Variants in POLD2 observed in about 807,000 individuals in gnomAD.
POLD2 encodes DNA polymerase delta 2, accessory subunit, also known as DNA polymerase delta subunit 2.
POLD2 carries 31 observed loss-of-function variants against 48.8 expected under a neutral mutation model. That is an observed-to-expected ratio of 0.64 (90% CI 0.48 to 0.86). The LOEUF (loss-of-function observed/expected upper bound fraction) is 0.86, where lower values mean the gene tolerates loss of function less well. Among genes scored for constraint, POLD2 ranks in the 40% least tolerant of loss-of-function variants. POLD2 has a pLI of 0.00. For synonymous variants in POLD2, 233 were observed against 256.3 expected (o/e 0.91, Z 0.87); for missense variants, 455 against 610.1 (o/e 0.75, Z 2.68).
intron 2 of POLD2, among the ~76,000 whole-genome samples, chr7:44,119,565 G>A (rs577234032): frequency 5.6e-4 from 86 of 152,312 alleles, no homozygotes; most frequent in African/African-American, 2.0e-3. Context: ...CTCAGCCAAC[G>A]CTGAAAATGT....
In POLD2 at chr7:44,120,097, G is replaced by A. The variant is rs3217953; in HGVS notation, c.220+1737C>T. Among the ~76,000 whole-genome samples, 1,431 of 152,282 alleles carry A rather than the reference G, an allele frequency of 9.4e-3. 16 individuals carry two copies. The highest frequency in any genetic ancestry group is 0.043 in the South Asian group (206 of 4,828). On this transcript the variant is annotated intron_variant, in intron 2 of 10. Coordinates refer to ENST00000610533, the MANE Select transcript of POLD2 (RefSeq NM_006230.4). ...GCTGAGCTTCAGTGAGGATGCACAG[G>A]CCACATGGAGAAGCCACATGTAGGT...
In POLD2 at chr7:44,121,891, C is replaced by T. The variant is rs75489188; in HGVS notation, c.163G>A (p.Ala55Thr). The T allele has an allele frequency of 6.2e-7, 1 of 1,613,262 alleles. No homozygotes were observed. The highest frequency in any genetic ancestry group is 1.3e-5 in the African/African-American group (1 of 74,904). The change falls in exon 2 of 11, where the codon GCC becomes ACC. Residue 55 changes from alanine (A) to threonine (T), a missense_variant. Around this residue, in one of 3 missense-constraint regions of POLD2, gnomAD observed 349 missense variants for 437.4 expected, o/e 0.80. Coordinates refer to ENST00000610533, the MANE Select transcript of POLD2 (RefSeq NM_006230.4). This position sits in a 1 kb window ranked among gnomAD's most constrained non-coding sequence, Gnocchi z 4.5. Reference protein sequence around the residue: ...SFSRQYAHIYATRLIQMRPFL... With the variant: ...SFSRQYAHIYTTRLIQMRPFL... ...GGTCTCATTTGGATGAGGCGGGTGG[C>T]ATAAATGTGGGCATACTGCCGGCTA...
Position 44,116,488 on chromosome 7 carries a change from G to T in POLD2, c.803C>A (p.Thr268Asn). 6.3e-7 allele frequency: 1 copy of T among 1,581,540 alleles called. No individual in the cohort carries two copies. The highest frequency in any genetic ancestry group is 8.6e-7 in the Non-Finnish European group (1 of 1,162,996). Residue 268 changes from threonine (T) to asparagine (N), a missense_variant, in exon 7 of 11, where the codon ACC becomes AAC. By Grantham distance (65) the Thr-to-Asn change is moderately conservative. Transcript: ENST00000610533. This position sits in a 1 kb window ranked among gnomAD's most constrained non-coding sequence, Gnocchi z 6.1. ...INKAKYLTKK[T>N]QAASVEAVKM... ...AACAGCCTCCACGCTGGCTGCCTGG[G>T]TTTTCTTGGTGAGGTATTTGGCCTG...
chr7:44,115,810 G>T lies in POLD2; in HGVS notation c.1103C>A (p.Thr368Asn). 1 of 1,614,088 alleles carries T rather than the reference G, an allele frequency of 6.2e-7. No homozygotes were observed. Among genetic ancestry groups the T allele is most frequent in the African/African-American group, 1.3e-5 (1 of 75,050 alleles). ...GGGGCTGATGTGACGGACCCGCAGG[G>T]TCCACTCCAGGATCTCCAAGTGATC... ...MEDHLEILEWTLRVRHISPTA... is the reference protein window; with the variant it reads ...MEDHLEILEWNLRVRHISPTA... Residue 368 changes from threonine to asparagine, a missense_variant, in exon 9 of 11, where the codon ACC becomes AAC. By Grantham distance (65) the Thr-to-Asn change is moderately conservative. Transcript: ENST00000610533.
intron 8 of POLD2, 52 bp from the exon 9 acceptor site, chr7:44,115,945 T>C: frequency 6.2e-7 from 1 of 1,613,522 alleles, no homozygotes; most frequent in Non-Finnish European, 8.5e-7. Context: ...CCCATAGTGG[T>C]CAGCCCAGAG....
At position 44,115,822 on chromosome 7, in the gene POLD2, A is replaced by T. The variant is rs774097983; in HGVS notation, c.1091T>A (p.Ile364Asn). The T allele has an allele frequency of 8.7e-6, 14 of 1,613,938 alleles. No homozygotes were observed. The highest frequency in any genetic ancestry group is 1.2e-5 in the Non-Finnish European group (14 of 1,180,002). Residue 364 changes from isoleucine (I) to asparagine (N), a missense_variant, in exon 9 of 11, where the codon ATC (isoleucine) becomes AAC (asparagine). Ile to Asn is a moderately radical substitution (Grantham distance 149). Coordinates refer to ENST00000610533, the MANE Select transcript of POLD2 (RefSeq NM_006230.4). The part of the protein sequence containing the change: ...RYSSMEDHLE[I>N]LEWTLRVRHI... Reference sequence around the variant, plus strand: ...ACGGACCCGCAGGGTCCACTCCAGGATCTCCAAGTGATCCTCCATGCTGCT... The same window carrying T: ...ACGGACCCGCAGGGTCCACTCCAGGTTCTCCAAGTGATCCTCCATGCTGCT...
At chr7:44,117,072 G>A in intron 5 of POLD2, 57 bp from the exon 6 acceptor site, 1 of 1,609,062 alleles carries the variant, frequency 6.2e-7, no homozygotes, top group Non-Finnish European at 8.5e-7. Flanking sequence ...CCCCTCCTAG[G>A]TGCAACTCAA....
intron 4 of POLD2, 65 bp from the exon 5 acceptor site, chr7:44,117,312 C>A: frequency 8.2e-7 from 1 of 1,216,160 alleles, no homozygotes; most frequent in Non-Finnish European, 1.2e-6. Context: ...TCCAGTCACC[C>A]CAACGGGCAA....
intron 2 of POLD2, among the ~76,000 whole-genome samples, chr7:44,119,386 G>A (rs2096245245): frequency 6.6e-6 from 1 of 152,086 alleles, no homozygotes; most frequent in Non-Finnish European, 1.5e-5. Flanking sequence ...TGCTGCCTGG[G>A]AAGAACCAGG....
upstream of POLD2, chr7:44,123,594 G>A: frequency 6.9e-7 from 1 of 1,443,726 alleles, no homozygotes. Flanking sequence ...CGGCTTCCCC[G>A]CCCATCGCCT....
rs778936822 is a variant in POLD2 at position 44,121,849 on chromosome 7, C to A, written c.205G>T (p.Ala69Ser). ...TCTCACTTACCCCAGTGCTGCTGGG[C>A]CCGGTTCTCCAGGAAGGGTCTCATT... ...IQMRPFLENR[A>S]QQHWGSGVGV... The change falls in exon 2 of 11, where the codon GCC becomes TCC. Residue 69 changes from alanine to serine, a missense_variant. Ala to Ser is a moderately conservative substitution (Grantham distance 99). Transcript: ENST00000610533. This position sits in a 1 kb window ranked among gnomAD's most constrained non-coding sequence, Gnocchi z 4.5. 6.2e-7 allele frequency: 1 copy of A among 1,612,882 alleles called. No individual in the cohort carries two copies. The highest frequency in any genetic ancestry group is 1.7e-5 in the Admixed American group (1 of 60,008).
intron 10 of POLD2, among the ~76,000 whole-genome samples, 166 bp downstream of exon 10, chr7:44,115,125 CGAGG>C (rs1460106090): frequency 2.0e-5 from 3 of 152,174 alleles, no homozygotes; most frequent in Non-Finnish European, 4.4e-5. Flanking sequence ...GCCCAGCTGG[CGAGG>C]CAGCTTGGCT....
At chr7:44,123,229 G>T (rs1363951389) in intron 1 of POLD2, 4 of 1,340,306 alleles carry the variant, frequency 3.0e-6, no homozygotes, top group Non-Finnish European at 3.8e-6. Context: ...CCACGGGACA[G>T]CACTGGCCTG....
At chr7:44,123,439 G>A in intron 1 of POLD2, 72 bp downstream of exon 1, 4 of 1,486,964 alleles carry the variant, frequency 2.7e-6, no homozygotes, top group Non-Finnish European at 3.6e-6. Context: ...CCAGCCCACC[G>A]ACCCAGGAGC....
chr7:44,115,750 T>C lies in POLD2; in HGVS notation c.1147+16A>G. ...CCTGGCCCTCTGCTCCCACCCTGTA[T>C]GGCTGAGCCTGTTACCTAGAGTGTC... On this transcript the variant is annotated intron_variant, in intron 9 of 10. Coordinates refer to ENST00000610533, the MANE Select transcript of POLD2 (RefSeq NM_006230.4). The C allele has an allele frequency of 6.2e-7, 1 of 1,612,312 alleles. No individual in the cohort carries two copies. Among genetic ancestry groups the C allele is most frequent in the South Asian group, 1.1e-5 (1 of 90,982 alleles).
chr7:44,123,784 G>C (rs1016360738), upstream of POLD2: 2 of 1,175,698 alleles, frequency 1.7e-6, no homozygotes, highest in East Asian at 3.2e-5. Context: ...GCGGCCGCGC[G>C]TGCAGGGGTT....
At chr7:44,115,538 C>G (rs1375351448) in intron 9 of POLD2, 142 bp from the exon 10 acceptor site, 1 of 734,114 alleles carries the variant, frequency 1.4e-6, no homozygotes, top group Non-Finnish European at 2.3e-6. Flanking sequence ...CAGACATTGT[C>G]ACAAGACCTT....
Position 44,117,008 on chromosome 7 carries a change from G to A in POLD2, c.589C>T (p.Leu197=), listed in dbSNP as rs2096241052. 6.2e-7 allele frequency: 1 copy of A among 1,613,330 alleles called. No homozygotes were observed. Among genetic ancestry groups the A allele is most frequent in the East Asian group, 2.2e-5 (1 of 44,860 alleles). The stretch of plus-strand genomic sequence containing the variant: ...CCCAGGCCCAGGCCGGACACCAGTA[G>A]CACAAACCTGCGGGAGAAGGTGGGG... The part of the protein sequence containing the change: ...APPLDTDRFV[L]LVSGLGLGGG... The change falls in exon 6 of 11, where the codon CTA becomes TTA. Residue 197 remains leucine, a synonymous_variant. Coordinates refer to ENST00000610533, the MANE Select transcript of POLD2 (RefSeq NM_006230.4).
intron 1 of POLD2, 133 bp downstream of exon 1, chr7:44,123,378 G>T (rs1023959507): frequency 4.9e-6 from 7 of 1,414,262 alleles, no homozygotes; most frequent in Non-Finnish European, 6.4e-6. Flanking sequence ...CAGTCACGGC[G>T]GGTGCCCCGG....
Sources: gnomAD v4.1 joint callset for allele counts (sites outside exome capture counted in the v4.1 genomes callset) on GRCh38, gnomAD v4.1.1 for gene constraint, gnomAD v4.1.1 regional missense constraint, Gnocchi (gnomAD v3.1) non-coding constraint, MANE v1.5 for transcripts, NCBI Gene and HGNC (gene_info 2026-07-23, HGNC 2026-07-21) for gene names.